KIF26B: variants seen among roughly 807,000 people sequenced by gnomAD.
KIF26B encodes kinesin-like protein KIF26B.
A neutral mutation model predicts 151.2 loss-of-function variants in KIF26B; 63 were observed. That is an observed-to-expected ratio of 0.42 (90% CI 0.34 to 0.51). The LOEUF (loss-of-function observed/expected upper bound fraction) is 0.51, where lower values mean the gene tolerates loss of function less well. KIF26B is among the 20% of genes least tolerant of loss of function. The pLI is 0.07. For synonymous variants in KIF26B, 1,357 were observed against 1,262.1 expected, an observed-to-expected ratio of 1.08 and a Z score of -1.59; for missense variants, 2,813 against 2,913.6, an observed-to-expected ratio of 0.97 and a Z score of 0.79.
chr1:245,449,536 G>T (rs927006597), intron 4 of KIF26B, among the ~76,000 whole-genome samples: 3 of 152,120 alleles, frequency 2.0e-5, no homozygotes, highest in African/African-American at 7.2e-5. Context: ...AGCTCCATTT[G>T]TGTCACCTTC....
intron 4 of KIF26B, among the ~76,000 whole-genome samples, chr1:245,466,293 G>A (rs560325989): frequency 1.3e-5 from 2 of 152,278 alleles, no homozygotes; most frequent in South Asian, 4.2e-4. Flanking sequence ...CCTGCACGCC[G>A]GCTCCCAGGT....
intron 2 of KIF26B, among the ~76,000 whole-genome samples, chr1:245,272,781 C>T (rs1407809137): frequency 2.0e-5 from 3 of 152,034 alleles, no homozygotes; most frequent in Non-Finnish European, 4.4e-5. Flanking sequence ...TTCTTTGACT[C>T]AGTGGTTAAG....
intron 2 of KIF26B, among the ~76,000 whole-genome samples, chr1:245,191,324 A>G (rs1231046115): frequency 6.6e-6 from 1 of 151,546 alleles, no homozygotes; most frequent in Non-Finnish European, 1.5e-5. Flanking sequence ...AAAATCCAAA[A>G]CTTAGCTGGG....
intron 5 of KIF26B, among the ~76,000 whole-genome samples, chr1:245,562,266 T>C (rs2042964109): frequency 6.6e-6 from 1 of 152,118 alleles, no homozygotes; most frequent in African/African-American, 2.4e-5. Context: ...GTGGCTTTAA[T>C]ATTTTATACT....
chr1:245,427,710 A>C (rs888244130), intron 4 of KIF26B, among the ~76,000 whole-genome samples: 2 of 152,080 alleles, frequency 1.3e-5, no homozygotes, highest in African/African-American at 4.8e-5. Context: ...TTTTCACTGA[A>C]GCATATTTTG....
chr1:245,532,257 T>TG (rs1345049383), intron 4 of KIF26B, among the ~76,000 whole-genome samples: 1 of 147,854 alleles, frequency 6.8e-6, no homozygotes, highest in East Asian at 1.9e-4. Context: ...TCTTTTTTTT[T>TG]TTTTTTGAGA....
intron 4 of KIF26B, among the ~76,000 whole-genome samples, chr1:245,474,152 A>G (rs991553465): frequency 7.7e-5 from 11 of 143,472 alleles, no homozygotes; most frequent in African/African-American, 2.3e-4. Context: ...CCTGTCACCC[A>G]GTCTGGAGTG....
At chr1:245,599,356 T>G (rs1290071792) in intron 5 of KIF26B, among the ~76,000 whole-genome samples, 2 of 151,922 alleles carry the variant, frequency 1.3e-5, no homozygotes, top group African/African-American at 2.4e-5. Context: ...GCTCAGTGGG[T>G]TTTTAAAGAA....
intron 10 of KIF26B, among the ~76,000 whole-genome samples, chr1:245,647,653 G>A (rs938095183): frequency 1.3e-5 from 2 of 152,116 alleles, no homozygotes; most frequent in Non-Finnish European, 2.9e-5. Flanking sequence ...CTACGTTGCT[G>A]TTGTGTAGGA....
intron 4 of KIF26B, among the ~76,000 whole-genome samples, chr1:245,493,792 T>C (rs1660454776): frequency 6.6e-6 from 1 of 152,110 alleles, no homozygotes; most frequent in African/African-American, 2.4e-5. Flanking sequence ...GGCAGTATAA[T>C]GAGGCTTAAA....
chr1:245,568,781 G>A (rs2043036563), intron 5 of KIF26B, among the ~76,000 whole-genome samples: 1 of 152,158 alleles, frequency 6.6e-6, no homozygotes, highest in Non-Finnish European at 1.5e-5. Context: ...CAAGGGTCAA[G>A]GATATGGGAA....
intron 9 of KIF26B, among the ~76,000 whole-genome samples, chr1:245,644,180 GT>G (rs960105570): frequency 2.1e-4 from 32 of 151,108 alleles, no homozygotes; most frequent in Non-Finnish European, 3.1e-4. Flanking sequence ...TTTATTTGTT[GT>G]TTTTTTTCCC....
intron 5 of KIF26B, among the ~76,000 whole-genome samples, chr1:245,573,655 T>G (rs140779420): frequency 2.6e-4 from 40 of 152,252 alleles, no homozygotes; most frequent in African/African-American, 8.2e-4. Context: ...AGGCAGAAAT[T>G]TGCTTTTGCT....
At chr1:245,191,423 C>G (rs922727377) in intron 2 of KIF26B, among the ~76,000 whole-genome samples, 1 of 151,482 alleles carries the variant, frequency 6.6e-6, no homozygotes, top group Non-Finnish European at 1.5e-5. Context: ...TGCAGTGAGC[C>G]GAGATCACAC....
intron 2 of KIF26B, among the ~76,000 whole-genome samples, chr1:245,182,542 T>G (rs1668924396): frequency 6.6e-6 from 1 of 152,232 alleles, no homozygotes; most frequent in African/African-American, 2.4e-5. Context: ...AACATTTGTG[T>G]GTCAATTTGT....
chr1:245,258,563 A>G (rs1670581097), intron 2 of KIF26B, among the ~76,000 whole-genome samples: 2 of 152,194 alleles, frequency 1.3e-5, no homozygotes, highest in African/African-American at 4.8e-5. Flanking sequence ...AATAGAGACT[A>G]AAATGAAAGT....
chr1:245,661,494 C>T (rs35472501), intron 10 of KIF26B, among the ~76,000 whole-genome samples: 46,072 of 151,500 alleles, frequency 0.3, 8,678 homozygotes, highest in Middle Eastern at 0.41. Context: ...TATATGTACA[C>T]CCATTATATA....
At chr1:245,221,977 G>T (rs1372367280) in intron 2 of KIF26B, among the ~76,000 whole-genome samples, 1 of 152,238 alleles carries the variant, frequency 6.6e-6, no homozygotes, top group East Asian at 1.9e-4. Flanking sequence ...ATGCATGACA[G>T]AAAGTGGCAC....
intron 2 of KIF26B, among the ~76,000 whole-genome samples, chr1:245,319,601 C>T (rs184597546): frequency 7.2e-5 from 11 of 151,970 alleles, no homozygotes; most frequent in Admixed American, 6.5e-4. Context: ...AAACTTTGTC[C>T]TCTCGTGTGT....
Sources: allele counts gnomAD v4.1 joint callset (sites outside exome capture counted in the v4.1 genomes callset), GRCh38; gene constraint gnomAD v4.1.1; transcripts MANE v1.5; gene names NCBI Gene and HGNC (gene_info 2026-07-23, HGNC 2026-07-21).